The following SINHCAF variants were observed in gnomAD, a reference collection of about 807,000 sequenced individuals.
SINHCAF encodes the protein SIN3-HDAC complex associated factor, also known as SIN3-HDAC complex-associated factor.
SINHCAF carries 3 observed loss-of-function variants against 25.8 expected under a neutral mutation model. The ratio of observed to expected loss-of-function variants is 0.12; its 90% confidence interval spans 0.05 to 0.30. The LOEUF (loss-of-function observed/expected upper bound fraction) is 0.30, where lower values mean the gene tolerates loss of function less well. Ranked by LOEUF, SINHCAF falls within the 10% of genes least tolerant of loss-of-function variation. The pLI is 1.00. For synonymous variants in SINHCAF, 70 were observed against 85.5 expected, an observed-to-expected ratio of 0.82 and a Z score of 1.00; for missense variants, 121 against 262.3, an observed-to-expected ratio of 0.46 and a Z score of 3.72.
intron 4 of SINHCAF, among the ~76,000 whole-genome samples, chr12:31,292,950 C>T (rs551927198): frequency 3.2e-4 from 49 of 152,252 alleles, no homozygotes; most frequent in African/African-American, 1.0e-3. Flanking sequence ...AACCCCTAGC[C>T]GCAATTCTGA....
At chr12:31,289,740 T>C (rs2137076494) in intron 4 of SINHCAF, among the ~76,000 whole-genome samples, 1 of 151,928 alleles carries the variant, frequency 6.6e-6, no homozygotes, top group South Asian at 2.1e-4. Context: ...TAAATATTTA[T>C]AAGGCATCAA....
intron 1 of SINHCAF, among the ~76,000 whole-genome samples, chr12:31,316,950 CAT>C (rs1203502933): frequency 6.6e-6 from 1 of 152,168 alleles, no homozygotes; most frequent in Non-Finnish European, 1.5e-5. Flanking sequence ...ATGAATTTAA[CAT>C]ATGTTAAGTT....
intron 1 of SINHCAF, among the ~76,000 whole-genome samples, chr12:31,321,981 C>A (rs187847804): frequency 6.6e-6 from 1 of 151,160 alleles, no homozygotes; most frequent in African/African-American, 2.5e-5. Flanking sequence ...GACTTGATAA[C>A]CACTCTGGGG....
At chr12:31,283,293 ATACTGAGTAGATAAAAATACATG>A (rs1170129954) in intron 5 of SINHCAF, among the ~76,000 whole-genome samples, 2 of 152,124 alleles carry the variant, frequency 1.3e-5, no homozygotes, top group Non-Finnish European at 1.5e-5. Context: ...TTTTAATTAA[ATACTGAGTAGATAAAAATACATG>A]TGTGGGCCGG....
chr12:31,321,123 TC>T (rs1939678769), intron 1 of SINHCAF, among the ~76,000 whole-genome samples: 1 of 152,148 alleles, frequency 6.6e-6, no homozygotes, highest in South Asian at 2.1e-4. Flanking sequence ...CCAGATTATT[TC>T]CATAATACAG....
intron 1 of SINHCAF, among the ~76,000 whole-genome samples, chr12:31,316,364 CT>C (rs1243349206): frequency 2.6e-5 from 4 of 152,054 alleles, no homozygotes; most frequent in Non-Finnish European, 5.9e-5. Context: ...TTCTAAACAT[CT>C]GTTTTGGCTG....
chr12:31,303,185 C>G (rs11051382), intron 1 of SINHCAF: 66,652 of 985,242 alleles, frequency 0.068, 2,463 homozygotes, highest in Non-Finnish European at 0.075. Context: ...TCAGCCAGAA[C>G]AAATATTTAG....
intron 4 of SINHCAF, among the ~76,000 whole-genome samples, chr12:31,292,942 C>T (rs1021969671): frequency 3.3e-5 from 5 of 152,300 alleles, no homozygotes; most frequent in African/African-American, 1.2e-4. Flanking sequence ...AGATCCACAA[C>T]CCCTAGCCGC....
At chr12:31,308,910 T>C (rs1268367023) in intron 1 of SINHCAF, among the ~76,000 whole-genome samples, 1 of 151,782 alleles carries the variant, frequency 6.6e-6, no homozygotes, top group Non-Finnish European at 1.5e-5. Context: ...GGTGGATCAC[T>C]TGAGGTCAGG....
chr12:31,319,046 A>G (rs1230353190), intron 1 of SINHCAF, among the ~76,000 whole-genome samples: 1 of 152,252 alleles, frequency 6.6e-6, no homozygotes, highest in Non-Finnish European at 1.5e-5. Flanking sequence ...GTGGGAAAAG[A>G]GGAACTTAGC....
At chr12:31,300,349 C>T (rs903898212) in intron 1 of SINHCAF, among the ~76,000 whole-genome samples, 2 of 152,116 alleles carry the variant, frequency 1.3e-5, no homozygotes, top group Non-Finnish European at 2.9e-5. Flanking sequence ...GTGAGAGAGG[C>T]AGGCAAAAGA....
chr12:31,287,865 G>C, intron 4 of SINHCAF, 81 bp from the exon 5 acceptor site: 1 of 973,956 alleles, frequency 1.0e-6, no homozygotes, highest in Non-Finnish European at 1.5e-6. Flanking sequence ...ATAAGACACT[G>C]TGAAAGAGTT....
At chr12:31,295,043 C>T (rs371562286) in intron 3 of SINHCAF, among the ~76,000 whole-genome samples, 191 bp downstream of exon 3, 1 of 152,160 alleles carries the variant, frequency 6.6e-6, no homozygotes, top group African/African-American at 2.4e-5. Context: ...TAAGGAAATG[C>T]CACACCAGGC....
Position 31,293,785 on chromosome 12 carries a change from T to A in SINHCAF, c.355+20A>T, listed in dbSNP as rs375072629. ...TAACAAAACAATTATTAAGTACTAA[T>A]GTTGTAATATCAAACTTACTATGAC... On this transcript the variant is annotated intron_variant, in intron 4 of 5. Transcript: ENST00000337682. The A allele has an allele frequency of 6.3e-7, 1 of 1,592,170 alleles. No homozygotes were observed.
chr12:31,298,040 T>G, intron 2 of SINHCAF, 37 bp downstream of exon 2: 1 of 1,593,048 alleles, frequency 6.3e-7, no homozygotes, highest in Non-Finnish European at 8.6e-7. Flanking sequence ...TGGTATTTTT[T>G]CACTCTAAGA....
At chr12:31,312,018 G>T in intron 1 of SINHCAF, 1 of 679,696 alleles carries the variant, frequency 1.5e-6, no homozygotes. Context: ...TGGCAAAGGA[G>T]AAGTAACTTT....
At chr12:31,313,975 T>TA (rs1179721014) in intron 1 of SINHCAF, among the ~76,000 whole-genome samples, 4 of 150,724 alleles carry the variant, frequency 2.7e-5, no homozygotes, top group South Asian at 2.1e-4. Context: ...TTTAATCCCT[T>TA]AAAAAAAAGA....
intron 5 of SINHCAF, among the ~76,000 whole-genome samples, chr12:31,285,418 T>TATATACAC (rs1555110957): frequency 7.1e-5 from 10 of 141,444 alleles, no homozygotes; most frequent in African/African-American, 2.6e-4. Context: ...TATATATACA[T>TATATACAC]ACACACACAC....
At chr12:31,316,830 T>C (rs1344712839) in intron 1 of SINHCAF, among the ~76,000 whole-genome samples, 3 of 152,178 alleles carry the variant, frequency 2.0e-5, no homozygotes, top group South Asian at 4.1e-4. Context: ...TAATATGGAA[T>C]AGGAGACAGA....
Sources: gnomAD v4.1 joint callset for allele counts (sites outside exome capture counted in the v4.1 genomes callset) on GRCh38, gnomAD v4.1.1 for gene constraint, MANE v1.5 for transcripts, NCBI Gene and HGNC (gene_info 2026-07-23, HGNC 2026-07-21) for gene names.